The following SCAMP2 variants were observed in gnomAD, a reference collection of about 807,000 sequenced individuals.
The protein encoded by SCAMP2 is secretory carrier membrane protein 2.
In SCAMP2, 25 loss-of-function variants were observed where a neutral mutation model predicts 44.1. The observed-to-expected ratio is 0.57, with a 90% confidence interval of 0.41 to 0.79. The LOEUF (loss-of-function observed/expected upper bound fraction) is 0.79, where lower values mean the gene tolerates loss of function less well. Among genes scored for constraint, SCAMP2 ranks in the 30% least tolerant of loss-of-function variants. SCAMP2 has a pLI of 0.00. For missense variants in SCAMP2, 355 were observed against 411.0 expected, an observed-to-expected ratio of 0.86 and a Z score of 1.18; for synonymous variants, 156 against 166.0, an observed-to-expected ratio of 0.94 and a Z score of 0.46.
At chr15:74,862,648 C>T (rs929108514) in intron 1 of SCAMP2, among the ~76,000 whole-genome samples, 1 of 151,312 alleles carries the variant, frequency 6.6e-6, no homozygotes, top group South Asian at 2.1e-4. Flanking sequence ...TTCTGTTTTC[C>T]AAATTTTCTA....
chr15:74,852,148 CTG>C lies in SCAMP2; in HGVS notation c.262_263del (p.Gln88AlafsTer120). On this transcript the variant is annotated frameshift_variant, in exon 4 of 9. Coordinates refer to ENST00000268099, the MANE Select transcript of SCAMP2 (RefSeq NM_005697.5). LOFTEE classifies it high-confidence loss of function. ...VSAAQAGLLRQQEELDRKAAE... is the reference protein window; with the variant it reads ...VSAAQAGLLRXQEELDRKAAE... ...CAGCTTTCCTGTCCAGTTCTTCCTGCTGCCGGAGCAGGCCTGCCTGGGCTGCA... is the reference window on the plus strand; with the variant it reads ...CAGCTTTCCTGTCCAGTTCTTCCTGCCCGGAGCAGGCCTGCCTGGGCTGCA... The C allele has an allele frequency of 6.3e-7, 1 of 1,584,580 alleles. No homozygotes were observed. The highest frequency in any genetic ancestry group is 8.6e-7 in the Non-Finnish European group (1 of 1,165,638).
chr15:74,856,030 C>T (rs1368573733), intron 1 of SCAMP2, among the ~76,000 whole-genome samples: 7 of 152,126 alleles, frequency 4.6e-5, no homozygotes, highest in African/African-American at 1.7e-4. Context: ...CCAAGAAGAG[C>T]TCCTCCACAC....
At chr15:74,850,855 C>G (rs1464722473) in intron 5 of SCAMP2, among the ~76,000 whole-genome samples, 182 bp from the exon 6 acceptor site, 1 of 152,188 alleles carries the variant, frequency 6.6e-6, no homozygotes, top group Non-Finnish European at 1.5e-5. Context: ...GACCTCAAAA[C>G]CAGGGATCAA....
chr15:74,855,735 A>G (rs2064464889), intron 1 of SCAMP2, among the ~76,000 whole-genome samples: 1 of 151,784 alleles, frequency 6.6e-6, no homozygotes, highest in Admixed American at 6.6e-5. Flanking sequence ...AAAAAAAAAA[A>G]AAAGTAGTCT....
chr15:74,852,101 C>T lies in SCAMP2; in HGVS notation c.311G>A (p.Arg104Gln), dbSNP rs562142662. 77 of 1,592,920 alleles carry T rather than the reference C, an allele frequency of 4.8e-5. No individual in the cohort carries two copies. The South Asian group carries it at 5.1e-4, about 11-fold the overall frequency. The change falls in exon 4 of 9, where the codon CGG (arginine) becomes CAG (glutamine). Residue 104 changes from arginine to glutamine, a missense_variant. Physicochemically the swap from Arg to Gln is conservative, Grantham distance 43 (BLOSUM62 1). Transcript: ENST00000268099. Reference protein sequence around the residue: ...RKAAELERKERELQNTVANLH... With the variant: ...RKAAELERKEQELQNTVANLH... ...GTTGGCTACAGTGTTCTGCAGCTCC[C>T]GCTCCTTGCGTTCCAGCTCGGCAGC... is the stretch of plus-strand genomic sequence containing the variant.
intron 1 of SCAMP2, among the ~76,000 whole-genome samples, chr15:74,869,113 C>A (rs1394185549): frequency 6.6e-6 from 1 of 152,122 alleles, no homozygotes; most frequent in Non-Finnish European, 1.5e-5. Context: ...AAGATCGCAC[C>A]ATTGCACTCT....
intron 1 of SCAMP2, among the ~76,000 whole-genome samples, chr15:74,860,287 C>T (rs1456243914): frequency 3.3e-5 from 5 of 150,704 alleles, no homozygotes; most frequent in Non-Finnish European, 7.4e-5. Context: ...TGGTGGCTCA[C>T]ACCTGTAATC....
In SCAMP2 at chr15:74,845,011, T is replaced by C. The variant is rs1596412030; in HGVS notation, c.*72A>G. ...TGTGCTGGGCACAACCACCACCACATAAGGCACCCACGGAAAGTGCAGCTC... is the reference window on the plus strand; with the variant it reads ...TGTGCTGGGCACAACCACCACCACACAAGGCACCCACGGAAAGTGCAGCTC... On this transcript the variant is annotated 3_prime_UTR_variant, in exon 9 of 9. Transcript: ENST00000268099. 6.4e-5 allele frequency: 98 copies of C among 1,539,342 alleles called. 1 individual carries two copies. The South Asian group carries it at 1.1e-3, about 17-fold the overall frequency.
intron 3 of SCAMP2, chr15:74,853,241 G>C: frequency 2.8e-6 from 1 of 359,016 alleles, no homozygotes; most frequent in South Asian, 2.0e-5. Context: ...CCACCACCCA[G>C]CTGCACAGAA....
intron 3 of SCAMP2, chr15:74,853,225 T>C: frequency 2.9e-6 from 1 of 349,502 alleles, no homozygotes. Flanking sequence ...CCCAGCTCCC[T>C]ACAGCCCACC....
At chr15:74,852,452 ACTACCCCCATTGGCTTCTCCAC>A (rs762317349) in intron 3 of SCAMP2, 4 of 342,656 alleles carry the variant, frequency 1.2e-5, no homozygotes, top group Non-Finnish European at 2.1e-5. Context: ...AGTTGGGAAA[ACTACCCCCATTGGCTTCTCCAC>A]CTCTTCCCCA....
intron 6 of SCAMP2, among the ~76,000 whole-genome samples, chr15:74,849,347 C>A (rs1166064483): frequency 1.3e-5 from 2 of 152,050 alleles, no homozygotes; most frequent in Admixed American, 6.6e-5. Flanking sequence ...ACTTGGGAGG[C>A]TGAGACAGGA....
chr15:74,857,906 C>T (rs765189367), intron 1 of SCAMP2, among the ~76,000 whole-genome samples: 43 of 152,232 alleles, frequency 2.8e-4, no homozygotes, highest in African/African-American at 8.9e-4. Context: ...TGAGAAGACA[C>T]GCAGCACGCT....
intron 1 of SCAMP2, among the ~76,000 whole-genome samples, chr15:74,861,869 C>T (rs886777255): frequency 6.9e-6 from 1 of 145,528 alleles, no homozygotes. Context: ...CCACTGCACT[C>T]CAGCCTGGGC....
chr15:74,851,982 G>A (rs2064438127), intron 4 of SCAMP2, 87 bp downstream of exon 4: 2 of 840,916 alleles, frequency 2.4e-6, no homozygotes, highest in Admixed American at 2.8e-5. Flanking sequence ...GCAGCTCAGG[G>A]TGAATGCTGG....
At chr15:74,848,506 C>T in intron 7 of SCAMP2, 94 bp downstream of exon 7, 1 of 774,160 alleles carries the variant, frequency 1.3e-6, no homozygotes, top group South Asian at 1.7e-5. Flanking sequence ...AAAAGCAGGG[C>T]ACTGGCGGGG....
In SCAMP2 at chr15:74,852,501, C is replaced by T. The variant is rs374713299; in HGVS notation, c.226-315G>A. 10 of 256,226 alleles carry T rather than the reference C, an allele frequency of 3.9e-5. No homozygotes were observed. The East Asian group carries it at 4.3e-4, about 11-fold the overall frequency. 15.9% of individuals were successfully genotyped at this position (256,226 alleles called of 1,614,324 possible). A position where few individuals can be genotyped will look rare whatever the true frequency, so the allele number is the denominator to read the frequency against. Reference sequence around the variant, plus strand: ...TCTTCCCCATACTGGGTCAAGGCAGCGCTCAGTGATTGTGACCTTTGGGAA... The same window carrying T: ...TCTTCCCCATACTGGGTCAAGGCAGTGCTCAGTGATTGTGACCTTTGGGAA... On this transcript the variant is annotated intron_variant, in intron 3 of 8. Coordinates refer to ENST00000268099, the MANE Select transcript of SCAMP2 (RefSeq NM_005697.5).
intron 1 of SCAMP2, among the ~76,000 whole-genome samples, chr15:74,862,853 T>TACACACACAC (rs112611741): frequency 1.0e-3 from 89 of 87,502 alleles, no homozygotes; most frequent in Admixed American, 2.2e-3. Flanking sequence ...AAACAAACCA[T>TACACACACAC]ACACACACAC....
intron 1 of SCAMP2, among the ~76,000 whole-genome samples, chr15:74,868,490 T>C (rs530833344): frequency 1.3e-5 from 2 of 152,334 alleles, no homozygotes; most frequent in East Asian, 1.9e-4. Flanking sequence ...CAATGTCTTT[T>C]TGTAGGATTT....
Sources: allele counts gnomAD v4.1 joint callset (sites outside exome capture counted in the v4.1 genomes callset), GRCh38; gene constraint gnomAD v4.1.1; transcripts MANE v1.5; gene names NCBI Gene and HGNC (gene_info 2026-07-23, HGNC 2026-07-21).